FBXL4: variants seen among roughly 807,000 people sequenced by gnomAD.
FBXL4 encodes F-box and leucine rich repeat protein 4.
A neutral mutation model predicts 58.9 loss-of-function variants in FBXL4; 40 were observed. The observed-to-expected ratio is 0.68, with a 90% CI of 0.53 to 0.88. The LOEUF is 0.88. FBXL4 is among the 40% of genes least tolerant of loss of function. The pLI, the probability that FBXL4 is intolerant of heterozygous loss-of-function variation, is 0.00. For missense variants in FBXL4, 676 were observed against 734.4 expected, an observed-to-expected ratio of 0.92 and a Z score of 0.92; for synonymous variants, 263 against 265.5, an observed-to-expected ratio of 0.99 and a Z score of 0.09.
intron 5 of FBXL4, among the ~76,000 whole-genome samples, chr6:98,910,844 C>T (rs13211832): frequency 0.049 from 7,507 of 152,182 alleles, 255 homozygotes; most frequent in Middle Eastern, 0.12. Flanking sequence ...GTGGGTGCAG[C>T]GCACCGTGCG....
At chr6:98,890,932 A>G (rs1468555149) in intron 7 of FBXL4, among the ~76,000 whole-genome samples, 14 of 152,158 alleles carry the variant, frequency 9.2e-5, no homozygotes, top group Non-Finnish European at 1.3e-4. Context: ...AACAAAAAAA[A>G]ACAACAAAAA....
At position 98,872,094 on chromosome 6, in the gene FBXL4, A is replaced by C. The variant is rs139177481; in HGVS notation, c.*2184T>G. 3.3e-5 allele frequency: 5 copies of C among 150,832 alleles called. No individual in the cohort carries two copies. In the East Asian group the frequency reaches 9.8e-4, roughly 30 times the overall value. 9.3% of individuals were successfully genotyped at this position (150,832 alleles called of 1,614,324 possible). On this transcript the variant is annotated 3_prime_UTR_variant, in exon 10 of 10. Transcript: ENST00000369244. ...CTTTACACATTTCCTGTGCTATCAA[A>C]AGGTAAGACAAAGAAGCGAGATCTC...
intron 1 of FBXL4, among the ~76,000 whole-genome samples, chr6:98,944,352 AT>A (rs1429524722): frequency 6.6e-6 from 1 of 152,236 alleles, no homozygotes; most frequent in Non-Finnish European, 1.5e-5. Flanking sequence ...GTAAAGAGCT[AT>A]TACAAATCAA....
chr6:98,877,572 A>C (rs1770702752), intron 8 of FBXL4, among the ~76,000 whole-genome samples: 1 of 152,164 alleles, frequency 6.6e-6, no homozygotes, highest in African/African-American at 2.4e-5. Flanking sequence ...TCCTTTATTA[A>C]CTATAATTCC....
chr6:98,878,949 A>G (rs1045353824), intron 8 of FBXL4, among the ~76,000 whole-genome samples: 17 of 152,170 alleles, frequency 1.1e-4, no homozygotes, highest in Admixed American at 8.5e-4. Context: ...AAGTGAGGAA[A>G]ATCTAGTGGG....
chr6:98,888,803 A>C (rs1223069088), intron 7 of FBXL4, among the ~76,000 whole-genome samples: 4 of 152,194 alleles, frequency 2.6e-5, no homozygotes, highest in Admixed American at 2.6e-4. Context: ...TCTTCTACAG[A>C]ATTACCAAAA....
intron 4 of FBXL4, among the ~76,000 whole-genome samples, chr6:98,920,157 T>G (rs1456794991): frequency 6.6e-6 from 1 of 152,116 alleles, no homozygotes; most frequent in African/African-American, 2.4e-5. Flanking sequence ...AATATAAACA[T>G]AAAGACATTG....
chr6:98,914,071 A>C (rs965793315), intron 5 of FBXL4, among the ~76,000 whole-genome samples: 4 of 152,228 alleles, frequency 2.6e-5, no homozygotes, highest in Admixed American at 6.5e-5. Flanking sequence ...TATAGAAGAA[A>C]TGGATAAATT....
chr6:98,885,096 CA>C (rs1188481265), intron 7 of FBXL4, among the ~76,000 whole-genome samples: 6 of 152,118 alleles, frequency 3.9e-5, no homozygotes, highest in Non-Finnish European at 7.4e-5. Flanking sequence ...TTTAGTTAAA[CA>C]TAATTCTGGG....
intron 1 of FBXL4, among the ~76,000 whole-genome samples, chr6:98,941,331 T>C (rs1773424729): frequency 6.6e-6 from 1 of 151,426 alleles, no homozygotes; most frequent in South Asian, 2.1e-4. Flanking sequence ...ACATATTGTA[T>C]GATTTCATTT....
chr6:98,872,100 A>T lies in FBXL4; in HGVS notation c.*2178T>A, dbSNP rs1247314716. 2.0e-5 allele frequency: 3 copies of T among 151,340 alleles called. No homozygotes were observed. The highest frequency in any genetic ancestry group is 4.4e-5 in the Non-Finnish European group (3 of 67,746). The allele number at this position is 151,340 out of a possible 1,614,324, so 9.4% of individuals were successfully genotyped here. ...ACATTTCCTGTGCTATCAAAAGGTA[A>T]GACAAAGAAGCGAGATCTCCACTCT... On this transcript the variant is annotated 3_prime_UTR_variant, in exon 10 of 10. Transcript: ENST00000369244.
chr6:98,896,685 A>AT, intron 7 of FBXL4: 1 of 740,332 alleles, frequency 1.4e-6, no homozygotes, highest in Non-Finnish European at 1.6e-6. Context: ...AGTGTTTATG[A>AT]TATTTTACCA....
chr6:98,900,959 C>T (rs1771587931), intron 6 of FBXL4, among the ~76,000 whole-genome samples: 1 of 152,154 alleles, frequency 6.6e-6, no homozygotes, highest in Non-Finnish European at 1.5e-5. Flanking sequence ...AAACTGCAGT[C>T]TACATGAAGC....
intron 6 of FBXL4, among the ~76,000 whole-genome samples, chr6:98,900,779 T>C (rs1425242782): frequency 6.6e-6 from 1 of 152,262 alleles, no homozygotes; most frequent in Non-Finnish European, 1.5e-5. Flanking sequence ...ACATCTTATT[T>C]ACACGTGAAC....
intron 5 of FBXL4, among the ~76,000 whole-genome samples, chr6:98,907,712 C>CT (rs1406873990): frequency 6.6e-6 from 1 of 151,922 alleles, no homozygotes; most frequent in Non-Finnish European, 1.5e-5. Context: ...TCTAGCTAAA[C>CT]TTTTTGTTTT....
In FBXL4 at chr6:98,874,234, A is replaced by G. The variant is rs1259584678; in HGVS notation, c.*44T>C. On this transcript the variant is annotated 3_prime_UTR_variant, in exon 10 of 10. Coordinates refer to ENST00000369244, the MANE Select transcript of FBXL4 (RefSeq NM_001278716.2). The stretch of plus-strand genomic sequence containing the variant: ...AACCCAAAACCAATCCCAAAATTAA[A>G]CCCCAACAAAGCACATTAATTTTAA... 1.4e-6 allele frequency: 2 copies of G among 1,432,148 alleles called. No homozygotes were observed. The highest frequency in any genetic ancestry group is 1.6e-5 in the South Asian group (1 of 61,254). The allele number at this position is 1,432,148 out of a possible 1,614,324, so 88.7% of individuals were successfully genotyped here.
At chr6:98,919,138 C>T (rs1463781485) in intron 4 of FBXL4, among the ~76,000 whole-genome samples, 2 of 151,900 alleles carry the variant, frequency 1.3e-5, no homozygotes, top group Non-Finnish European at 2.9e-5. Flanking sequence ...TGTTTTTAGG[C>T]CCAGAAGGGA....
intron 7 of FBXL4, chr6:98,897,041 T>C (rs1300202563): frequency 4.1e-6 from 4 of 984,674 alleles, no homozygotes; most frequent in Non-Finnish European, 4.8e-6. Flanking sequence ...AGATATAAGA[T>C]GCCTAGCAAG....
chr6:98,878,768 T>C (rs181058973), intron 8 of FBXL4, among the ~76,000 whole-genome samples: 20 of 152,168 alleles, frequency 1.3e-4, no homozygotes, highest in Non-Finnish European at 2.6e-4. Flanking sequence ...TAAATGGTCC[T>C]TACCAATCTA....
Sources: gnomAD v4.1 joint callset for allele counts (sites outside exome capture counted in the v4.1 genomes callset) on GRCh38, gnomAD v4.1.1 for gene constraint, MANE v1.5 for transcripts, NCBI Gene and HGNC (gene_info 2026-07-23, HGNC 2026-07-21) for gene names.